TBC1D5: variants seen among roughly 807,000 people sequenced by gnomAD.
TBC1D5 encodes TBC1 domain family, member 5.
TBC1D5 carries 75 observed loss-of-function variants against 100.3 expected under a neutral mutation model. That is an observed-to-expected ratio of 0.75 (90% CI 0.62 to 0.91). The LOEUF (loss-of-function observed/expected upper bound fraction) is 0.91. Among genes scored for constraint, TBC1D5 ranks in the 40% least tolerant of loss-of-function variants. TBC1D5 has a pLI of 0.00. For missense variants in TBC1D5, 910 were observed against 942.4 expected (o/e 0.97, Z 0.45); for synonymous variants, 323 against 325.6 (o/e 0.99, Z 0.09).
intron 3 of TBC1D5, among the ~76,000 whole-genome samples, chr3:17,457,460 C>A (rs997084030): frequency 1.3e-5 from 2 of 152,190 alleles, no homozygotes; most frequent in African/African-American, 4.8e-5. Flanking sequence ...ATGACCCTGA[C>A]ATAGCCATTC....
At chr3:17,494,227 C>T (rs1414550079) in intron 3 of TBC1D5, among the ~76,000 whole-genome samples, 1 of 152,116 alleles carries the variant, frequency 6.6e-6, no homozygotes, top group African/African-American at 2.4e-5. Context: ...CCCCCCAACC[C>T]GGCACCTGTA....
chr3:17,200,298 G>A (rs897770462), intron 18 of TBC1D5, among the ~76,000 whole-genome samples: 1 of 152,190 alleles, frequency 6.6e-6, no homozygotes, highest in Non-Finnish European at 1.5e-5. Flanking sequence ...CCCAAACCCC[G>A]GGCTACAGAC....
chr3:17,165,801 G>A (rs945660730), intron 21 of TBC1D5, among the ~76,000 whole-genome samples: 3 of 152,170 alleles, frequency 2.0e-5, no homozygotes, highest in African/African-American at 7.2e-5. Context: ...GGTGGGAAAT[G>A]AACAATCTTT....
At chr3:17,190,488 C>T (rs2069735015) in intron 18 of TBC1D5, among the ~76,000 whole-genome samples, 1 of 152,130 alleles carries the variant, frequency 6.6e-6, no homozygotes, top group Non-Finnish European at 1.5e-5. Context: ...ACCTAGGCAA[C>T]CAGGCAGTCA....
intron 13 of TBC1D5, among the ~76,000 whole-genome samples, chr3:17,344,650 T>C (rs1289900962): frequency 6.6e-6 from 1 of 152,224 alleles, no homozygotes; most frequent in Non-Finnish European, 1.5e-5. Flanking sequence ...GGCATCATGC[T>C]ACCTGACTTC....
chr3:17,624,278 AAC>A (rs935737581), intron 1 of TBC1D5, among the ~76,000 whole-genome samples: 2 of 152,190 alleles, frequency 1.3e-5, no homozygotes, highest in African/African-American at 4.8e-5. Context: ...ATTTCACTAA[AAC>A]ACAAAGATAC....
At chr3:17,277,382 A>C (rs1180256130) in intron 15 of TBC1D5, among the ~76,000 whole-genome samples, 1 of 152,006 alleles carries the variant, frequency 6.6e-6, no homozygotes, top group Non-Finnish European at 1.5e-5. Context: ...TGTCTTTCAC[A>C]TGGGTGGCAC....
At chr3:17,164,495 T>C (rs1559331471) in intron 21 of TBC1D5, among the ~76,000 whole-genome samples, 1 of 152,240 alleles carries the variant, frequency 6.6e-6, no homozygotes, top group East Asian at 1.9e-4. Context: ...TGGGAGCTCA[T>C]GAGAGCAGGG....
chr3:17,731,441 G>A (rs1318008868), intron 1 of TBC1D5, among the ~76,000 whole-genome samples: 2 of 149,630 alleles, frequency 1.3e-5, no homozygotes, highest in Non-Finnish European at 3.0e-5. Flanking sequence ...GGGAGGCGGA[G>A]GTTGCAGTGA....
chr3:17,522,172 C>G (rs1005590024), intron 2 of TBC1D5, among the ~76,000 whole-genome samples: 1 of 151,928 alleles, frequency 6.6e-6, no homozygotes, highest in African/African-American at 2.4e-5. Context: ...ACTTGAGTAT[C>G]ATTGCAAAGT....
At chr3:17,214,362 A>G (rs1220706775) in exon 18 of TBC1D5, 1 of 1,611,132 alleles carries the variant, frequency 6.2e-7, no homozygotes. Flanking sequence ...ATGTTTTTAG[A>G]ACTTAGCCCT....
At chr3:17,374,733 G>A (rs1200760624) in intron 10 of TBC1D5, 54 bp from the exon 11 acceptor site, 1 of 1,571,140 alleles carries the variant, frequency 6.4e-7, no homozygotes, top group Non-Finnish European at 8.7e-7. Context: ...TAATTAAAGA[G>A]GCAGAGTTTG....
chr3:17,419,909 G>C (rs111760661), intron 4 of TBC1D5, among the ~76,000 whole-genome samples: 6 of 151,964 alleles, frequency 3.9e-5, no homozygotes, highest in African/African-American at 1.4e-4. Context: ...TTTTGCCCAG[G>C]CTGGTCTTCA....
chr3:17,315,585 C>A (rs938075870), intron 13 of TBC1D5, among the ~76,000 whole-genome samples: 2 of 152,190 alleles, frequency 1.3e-5, no homozygotes, highest in African/African-American at 4.8e-5. Flanking sequence ...AAATAAAGGG[C>A]TAAACTCCAA....
At chr3:17,636,440 G>A (rs1212900485) in intron 1 of TBC1D5, among the ~76,000 whole-genome samples, 1 of 152,070 alleles carries the variant, frequency 6.6e-6, no homozygotes, top group Non-Finnish European at 1.5e-5. Flanking sequence ...GCCTTTCTGA[G>A]TAATAAGAGA....
intron 2 of TBC1D5, among the ~76,000 whole-genome samples, chr3:17,563,717 CA>C: frequency 6.6e-6 from 1 of 152,104 alleles, no homozygotes; most frequent in African/African-American, 2.4e-5. Context: ...AAGTAAGAAA[CA>C]ATGGTCATCA....
At chr3:17,343,413 T>C (rs1361679448) in intron 13 of TBC1D5, among the ~76,000 whole-genome samples, 1 of 151,808 alleles carries the variant, frequency 6.6e-6, no homozygotes, top group Non-Finnish European at 1.5e-5. Context: ...ATCAAAGATA[T>C]TGGTCTAAAA....
intron 15 of TBC1D5, among the ~76,000 whole-genome samples, chr3:17,280,660 C>T (rs1307168124): frequency 6.6e-6 from 1 of 152,166 alleles, no homozygotes; most frequent in African/African-American, 2.4e-5. Context: ...CCCTTCTCAG[C>T]TCCCCTTCCC....
chr3:17,694,410 A>C (rs1234884371), intron 1 of TBC1D5, among the ~76,000 whole-genome samples: 12 of 152,254 alleles, frequency 7.9e-5, no homozygotes, highest in Non-Finnish European at 1.8e-4. Context: ...AAATGATGTC[A>C]TGGAGATGAA....
Sources: gnomAD v4.1 joint callset for allele counts (sites outside exome capture counted in the v4.1 genomes callset) on GRCh38, gnomAD v4.1.1 for gene constraint, MANE v1.5 for transcripts, NCBI Gene and HGNC (gene_info 2026-07-23, HGNC 2026-07-21) for gene names.